LRRC7: variants seen among roughly 807,000 people sequenced by gnomAD.
LRRC7 encodes the protein leucine-rich repeat-containing protein 7.
Under a neutral mutation model 175.7 loss-of-function variants are expected in LRRC7, and 23 were observed. That is an observed-to-expected ratio of 0.13 (90% CI 0.09 to 0.19). The LOEUF is 0.19. Ranked by LOEUF, LRRC7 falls within the 10% of genes least tolerant of loss-of-function variation. LRRC7 has a pLI of 1.00. For synonymous variants in LRRC7, 685 were observed against 680.9 expected (o/e 1.01, Z -0.09); for missense variants, 1,354 against 1,904.7 (o/e 0.71, Z 5.38).
At chr1:69,690,437 G>A (rs928023651) in intron 2 of LRRC7, among the ~76,000 whole-genome samples, 1 of 152,136 alleles carries the variant, frequency 6.6e-6, no homozygotes, top group Non-Finnish European at 1.5e-5. Context: ...ATTTAAGTGA[G>A]GGATTTGAAA....
chr1:69,761,598 G>C (rs1570661817), intron 3 of LRRC7, among the ~76,000 whole-genome samples: 1 of 151,932 alleles, frequency 6.6e-6, no homozygotes, highest in East Asian at 1.9e-4. Flanking sequence ...CACAGGTATA[G>C]TGTATTTTTT....
At position 70,130,620 on chromosome 1, in the gene LRRC7, C is replaced by A. The variant is rs1666624054; in HGVS notation, c.*8733C>A. Among the ~76,000 whole-genome samples the A allele has an allele frequency of 6.6e-6, 1 of 152,166 alleles. No homozygotes were observed. The highest frequency in any genetic ancestry group is 1.5e-5 in the Non-Finnish European group (1 of 68,032). On this transcript the variant is annotated 3_prime_UTR_variant, in exon 27 of 27. Coordinates refer to ENST00000651989, the MANE Select transcript of LRRC7 (RefSeq NM_001370785.2). ...TGTGTTCTAAGGACCTTAACACTAT[C>A]CAAAAAGTAACACCATTCAAAAAGT...
At chr1:69,934,296 G>A (rs553948367) in intron 8 of LRRC7, among the ~76,000 whole-genome samples, 75 of 152,052 alleles carry the variant, frequency 4.9e-4, no homozygotes, top group African/African-American at 1.8e-3. Context: ...AAAATGTGAA[G>A]GCCTAATGAG....
intron 1 of LRRC7, among the ~76,000 whole-genome samples, chr1:69,651,952 G>A (rs887739536): frequency 6.6e-6 from 1 of 152,036 alleles, no homozygotes; most frequent in African/African-American, 2.4e-5. Flanking sequence ...GCATGACTTG[G>A]TGTGAATAGA....
intron 1 of LRRC7, among the ~76,000 whole-genome samples, chr1:69,625,347 A>G (rs1215610209): frequency 1.1e-5 from 1 of 92,944 alleles, no homozygotes; most frequent in Non-Finnish European, 2.4e-5. Context: ...CCTGATATTT[A>G]TACCTCCACT....
In LRRC7 at chr1:69,812,048, C is replaced by T. The variant is rs151085938; in HGVS notation, c.422-13700C>T. Among the ~76,000 whole-genome samples the T allele has an allele frequency of 3.5e-4, 53 of 152,240 alleles. 1 individual carries two copies. The highest frequency in any genetic ancestry group is 1.2e-3 in the African/African-American group (51 of 41,558). ...ACTCAAAAAAGCCAGAAAGTTTATA[C>T]TATCTGAAATTTGGCCTAAGAAAAA... On this transcript the variant is annotated intron_variant, in intron 4 of 26. Transcript: ENST00000651989.
chr1:70,038,288 A>T lies in LRRC7; in HGVS notation c.2464A>T (p.Thr822Ser), dbSNP rs1659522437. ...YDNTGFVAEE[T>S]TAENANSNPL... ...CAACACAGGGTTTGTTGCTGAGGAA[A>T]CCACAGCCGAGAATGCCAACAGTAA... The change falls in exon 21 of 27, where the codon ACC becomes TCC. Residue 822 changes from threonine (T) to serine (S), a missense_variant. By Grantham distance (58) the Thr-to-Ser change is moderately conservative. This residue lies in a region of LRRC7 where 1,032 missense variants were observed against 1,227.2 expected (regional missense o/e 0.84). Coordinates refer to ENST00000651989, the MANE Select transcript of LRRC7 (RefSeq NM_001370785.2). The T allele has an allele frequency of 6.2e-7, 1 of 1,614,054 alleles. No individual in the cohort carries two copies. The highest frequency in any genetic ancestry group is 8.5e-7 in the Non-Finnish European group (1 of 1,180,022).
At chr1:69,819,618 T>A (rs1221692593) in intron 4 of LRRC7, among the ~76,000 whole-genome samples, 5 of 147,776 alleles carry the variant, frequency 3.4e-5, no homozygotes, top group Admixed American at 6.8e-5. Context: ...TGTGTGTGTA[T>A]CTGCATAATC....
intron 7 of LRRC7, among the ~76,000 whole-genome samples, chr1:69,871,846 T>G (rs1173400881): frequency 6.6e-6 from 1 of 152,022 alleles, no homozygotes; most frequent in African/African-American, 2.4e-5. Context: ...TCAAATAATC[T>G]ATGTATGTTC....
chr1:69,993,776 T>C (rs773187446), intron 10 of LRRC7, among the ~76,000 whole-genome samples: 34 of 152,208 alleles, frequency 2.2e-4, no homozygotes, highest in Non-Finnish European at 4.1e-4. Context: ...TGTTAAGTGT[T>C]AATGCTTTGC....
At chr1:70,008,739 T>G (rs990974668) in intron 11 of LRRC7, among the ~76,000 whole-genome samples, 15 of 152,170 alleles carry the variant, frequency 9.9e-5, no homozygotes, top group Admixed American at 5.9e-4. Flanking sequence ...AGTGCTTTAA[T>G]GGTTAAATTA....
At chr1:69,793,735 T>G (rs1234955514) in intron 4 of LRRC7, among the ~76,000 whole-genome samples, 1 of 152,086 alleles carries the variant, frequency 6.6e-6, no homozygotes, top group Non-Finnish European at 1.5e-5. Flanking sequence ...ATGCCCTGAA[T>G]TTTTTGTTGT....
chr1:69,632,827 G>T (rs556230677), intron 1 of LRRC7, among the ~76,000 whole-genome samples: 3 of 152,024 alleles, frequency 2.0e-5, no homozygotes, highest in African/African-American at 7.2e-5. Context: ...CTACCATTTT[G>T]CTAAGTAGTT....
intron 2 of LRRC7, among the ~76,000 whole-genome samples, chr1:69,683,540 T>A (rs769751032): frequency 6.6e-6 from 1 of 152,140 alleles, no homozygotes; most frequent in Non-Finnish European, 1.5e-5. Context: ...TTCTTATAAT[T>A]GTTGATCATA....
intron 3 of LRRC7, among the ~76,000 whole-genome samples, chr1:69,774,479 G>A (rs1672590911): frequency 6.6e-6 from 1 of 152,084 alleles, no homozygotes; most frequent in Non-Finnish European, 1.5e-5. Flanking sequence ...GAGGACTATA[G>A]GTAATAAAAC....
intron 2 of LRRC7, among the ~76,000 whole-genome samples, chr1:69,699,857 A>C (rs1157544459): frequency 3.3e-5 from 5 of 152,154 alleles, no homozygotes; most frequent in Non-Finnish European, 7.4e-5. Context: ...ATCCTGAATT[A>C]CTTCTCTAAG....
intron 24 of LRRC7, among the ~76,000 whole-genome samples, chr1:70,084,277 C>T (rs1182179765): frequency 6.6e-6 from 1 of 152,062 alleles, no homozygotes; most frequent in Non-Finnish European, 1.5e-5. Flanking sequence ...ATGACATTTT[C>T]ATCGTTCAAA....
chr1:69,844,762 A>G (rs1227596218), intron 7 of LRRC7, among the ~76,000 whole-genome samples: 1 of 152,104 alleles, frequency 6.6e-6, no homozygotes, highest in Admixed American at 6.6e-5. Context: ...GAAACCATTC[A>G]CTATATTTTA....
chr1:70,100,685 T>G (rs1664745078), intron 25 of LRRC7, among the ~76,000 whole-genome samples: 1 of 152,070 alleles, frequency 6.6e-6, no homozygotes, highest in Non-Finnish European at 1.5e-5. Flanking sequence ...TTGTATCTCT[T>G]CCTTAAATTT....
Sources: allele counts gnomAD v4.1 joint callset (sites outside exome capture counted in the v4.1 genomes callset), GRCh38; gene constraint gnomAD v4.1.1; regional missense constraint gnomAD v4.1.1; transcripts MANE v1.5; gene names NCBI Gene and HGNC (gene_info 2026-07-23, HGNC 2026-07-21).